The following PRKCQ variants were observed in gnomAD, a reference collection of about 807,000 sequenced individuals.
PRKCQ encodes the protein protein kinase C theta, also known as protein kinase C theta type.
PRKCQ carries 41 observed loss-of-function variants against 91.2 expected under a neutral mutation model. The ratio of observed to expected loss-of-function variants is 0.45; its 90% CI spans 0.35 to 0.58. The LOEUF is 0.58. Ranked by LOEUF, PRKCQ falls within the 20% of genes least tolerant of loss-of-function variation. PRKCQ has a pLI of 0.00. For synonymous variants in PRKCQ, 307 were observed against 316.9 expected (o/e 0.97, Z 0.33); for missense variants, 673 against 896.5 (o/e 0.75, Z 3.18).
downstream of PRKCQ, among the ~76,000 whole-genome samples, chr10:6,422,959 C>A (rs574021719): frequency 3.3e-5 from 5 of 152,262 alleles, no homozygotes; most frequent in South Asian, 1.0e-3. Context: ...GGGTGCTGTA[C>A]AGAAACAAAC....
chr10:6,511,125 T>C lies in PRKCQ; in HGVS notation c.188A>G (p.His63Arg), dbSNP rs369256272. Residue 63 changes from histidine to arginine, a missense_variant, in exon 3 of 18, where the codon CAT (histidine) becomes CGT (arginine). By Grantham distance (29) the His-to-Arg change is conservative (BLOSUM62 0). Coordinates refer to ENST00000263125, the MANE Select transcript of PRKCQ (RefSeq NM_006257.5). Reference sequence around the variant, plus strand: ...CTGCATGACTCTTCCCTTGTTGATATGGGCATCAAAAGTGCTGTCCCAGGG... The same window carrying C: ...CTGCATGACTCTTCCCTTGTTGATACGGGCATCAAAAGTGCTGTCCCAGGG... ...YPPWDSTFDA[H>R]INKGRVMQII... is the part of the protein sequence containing the mutation. The C allele has an allele frequency of 2.2e-5, 36 of 1,614,058 alleles. No individual in the cohort carries two copies. The highest frequency in any genetic ancestry group is 2.8e-5 in the Non-Finnish European group (33 of 1,180,044).
chr10:6,488,169 C>T (rs188228406), intron 8 of PRKCQ, among the ~76,000 whole-genome samples: 14 of 152,266 alleles, frequency 9.2e-5, no homozygotes, highest in African/African-American at 2.9e-4. Context: ...CTGATTTGCA[C>T]ATGTGTGTGC....
At chr10:6,454,066 T>TATA (rs1033665747) in intron 15 of PRKCQ, among the ~76,000 whole-genome samples, 1 of 152,158 alleles carries the variant, frequency 6.6e-6, no homozygotes, top group African/African-American at 2.4e-5. Flanking sequence ...AAACTTAAAG[T>TATA]ATAATAATAA....
intron 12 of PRKCQ, among the ~76,000 whole-genome samples, chr10:6,467,279 G>A (rs536984789): frequency 1.3e-5 from 2 of 151,794 alleles, no homozygotes; most frequent in East Asian, 3.9e-4. Context: ...CCTGCTGAGA[G>A]AGGATACCAA....
chr10:6,546,358 T>A (rs1262509440), intron 1 of PRKCQ, among the ~76,000 whole-genome samples: 1 of 152,150 alleles, frequency 6.6e-6, no homozygotes, highest in Non-Finnish European at 1.5e-5. Context: ...GAAGTGCCCC[T>A]TGGGGTAGAG....
intron 2 of PRKCQ, among the ~76,000 whole-genome samples, chr10:6,511,518 T>C (rs1838475667): frequency 6.6e-6 from 1 of 152,198 alleles, no homozygotes; most frequent in East Asian, 1.9e-4. Flanking sequence ...AGCCAATGAC[T>C]GAGATGACGA....
chr10:6,421,287 C>A, the PRKCQ span, among the ~76,000 whole-genome samples: 1 of 152,114 alleles, frequency 6.6e-6, no homozygotes, highest in Non-Finnish European at 1.5e-5. This position sits in a 1 kb window ranked among gnomAD's most constrained non-coding sequence, Gnocchi z 4.1. Flanking sequence ...GAATTTGAGA[C>A]CAGCCTGGGT....
chr10:6,446,327 C>A (rs899083620), intron 15 of PRKCQ, among the ~76,000 whole-genome samples: 7 of 149,978 alleles, frequency 4.7e-5, no homozygotes, highest in Non-Finnish European at 1.0e-4. Context: ...TGGTTTTAAA[C>A]CTCAAGCTGT....
At chr10:6,413,506 A>G in the PRKCQ span, among the ~76,000 whole-genome samples, 2 of 119,988 alleles carry the variant, frequency 1.7e-5, no homozygotes, top group Non-Finnish European at 3.6e-5. Flanking sequence ...ACACACACAC[A>G]CTAGGAAGCA....
chr10:6,443,200 C>T (rs1050408310), intron 15 of PRKCQ, among the ~76,000 whole-genome samples: 3 of 152,178 alleles, frequency 2.0e-5, no homozygotes, highest in African/African-American at 2.4e-5. Context: ...GTAGAGGGCA[C>T]GCGCCATTCT....
chr10:6,515,228 T>G, intron 1 of PRKCQ, 84 bp from the exon 2 acceptor site: 1 of 1,591,460 alleles, frequency 6.3e-7, no homozygotes, highest in Non-Finnish European at 8.5e-7. Flanking sequence ...AACCAGTGCT[T>G]TATCATGGAC....
the PRKCQ span, among the ~76,000 whole-genome samples, chr10:6,415,372 T>A: frequency 7.5e-6 from 1 of 132,810 alleles, no homozygotes; most frequent in Non-Finnish European, 1.6e-5. Context: ...TTAAACCTAG[T>A]GATAAAGAGA....
At chr10:6,408,046 G>GTTTTTTT in the PRKCQ span, among the ~76,000 whole-genome samples, 14 of 84,228 alleles carry the variant, frequency 1.7e-4, no homozygotes, top group Non-Finnish European at 2.1e-4. Flanking sequence ...TCTTGTGTCA[G>GTTTTTTT]TTTTTTTTTT....
At chr10:6,429,022 T>C (rs1031520822) in intron 17 of PRKCQ, among the ~76,000 whole-genome samples, 1 of 152,202 alleles carries the variant, frequency 6.6e-6, no homozygotes, top group Non-Finnish European at 1.5e-5. Context: ...CTGTTCAGTA[T>C]GGTGTTCAAT....
At chr10:6,558,838 G>T (rs755758460) in intron 1 of PRKCQ, among the ~76,000 whole-genome samples, 3 of 152,210 alleles carry the variant, frequency 2.0e-5, no homozygotes, top group Non-Finnish European at 2.9e-5. Context: ...TATCCTTAGG[G>T]TGTAAGAGAA....
At position 6,515,113 on chromosome 10, in the gene PRKCQ, C is replaced by T; in HGVS notation, c.23G>A (p.Gly8Asp). The T allele has an allele frequency of 6.2e-7, 1 of 1,613,704 alleles. No individual in the cohort carries two copies. Among genetic ancestry groups the T allele is most frequent in the Non-Finnish European group, 8.5e-7 (1 of 1,179,874 alleles). The change falls in exon 2 of 18, where the codon GGC (glycine) becomes GAC (aspartate). Residue 8 changes from glycine to aspartate, a missense_variant. Coordinates refer to ENST00000263125, the MANE Select transcript of PRKCQ (RefSeq NM_006257.5). Reference protein sequence around the residue: MSPFLRIGLSNFDCGSCQ... With the variant: MSPFLRIDLSNFDCGSCQ... ...GGACCCGCAGTCAAAGTTGGACAAG[C>T]CAATCCGAAGAAATGGCGACATGGT...
rs1427464095 is a variant in PRKCQ, at chr10:6,428,059, TAA to T, written c.*146_*147del. 37 of 969,206 alleles carry T rather than the reference TAA, an allele frequency of 3.8e-5. No homozygotes were observed. In the East Asian group the frequency reaches 8.8e-4, roughly 23 times the overall value. The allele number at this position is 969,206 out of a possible 1,614,324, so 60.0% of individuals were successfully genotyped here. On this transcript the variant is annotated 3_prime_UTR_variant, in exon 18 of 18. Coordinates refer to ENST00000263125, the MANE Select transcript of PRKCQ (RefSeq NM_006257.5). ...AAGTAGACTTGGTTTCTGCTACAGATAAAAGTCACATGGGGGCGAACGGGTCT... is the reference window on the plus strand; with the variant it reads ...AAGTAGACTTGGTTTCTGCTACAGATAAGTCACATGGGGGCGAACGGGTCT...
At chr10:6,496,633 A>G (rs1837619698) in intron 7 of PRKCQ, among the ~76,000 whole-genome samples, 1 of 151,734 alleles carries the variant, frequency 6.6e-6, no homozygotes. Flanking sequence ...TCCTGTATAT[A>G]ATTTGTGTAT....
chr10:6,516,059 AC>A (rs570453505), intron 1 of PRKCQ, among the ~76,000 whole-genome samples: 8 of 152,314 alleles, frequency 5.3e-5, no homozygotes, highest in African/African-American at 1.7e-4. Context: ...GATGATTTAT[AC>A]TTATAATTTT....
Sources: allele counts gnomAD v4.1 joint callset (sites outside exome capture counted in the v4.1 genomes callset), GRCh38; gene constraint gnomAD v4.1.1; non-coding constraint Gnocchi (gnomAD v3.1); transcripts MANE v1.5; gene names NCBI Gene and HGNC (gene_info 2026-07-23, HGNC 2026-07-21).